Variants in TESC observed in about 807,000 individuals in gnomAD.
TESC encodes the protein tescalcin, also known as calcineurin B homologous protein 3.
Under a neutral mutation model 31.0 loss-of-function variants are expected in TESC, and 19 were observed. The ratio of observed to expected loss-of-function variants is 0.61; its 90% CI spans 0.43 to 0.90. TESC has a LOEUF of 0.90. TESC is among the 40% of genes least tolerant of loss of function. The pLI is 0.00. For missense variants in TESC, 248 were observed against 303.8 expected, an observed-to-expected ratio of 0.82 and a Z score of 1.36; for synonymous variants, 109 against 114.8, an observed-to-expected ratio of 0.95 and a Z score of 0.32.
rs1326842413 is a variant in TESC, at chr12:117,075,909, ATATATG to A, written c.59-575_59-570del. Among the ~76,000 whole-genome samples, 185 of 61,266 alleles carry A rather than the reference ATATATG, an allele frequency of 3.0e-3. 8 individuals are homozygous for A. The highest frequency in any genetic ancestry group is 0.016 in the African/African-American group (158 of 9,918). 40.2% of individuals were successfully genotyped at this position (61,266 alleles called of 152,430 possible). On this transcript the variant is annotated intron_variant, in intron 1 of 7. Coordinates refer to ENST00000335209, the MANE Select transcript of TESC (RefSeq NM_017899.4). ...TATATATATATATATATATATATAT[ATATATG>A]TGTGTGTGTATATATATATATATAT...
intron 4 of TESC, among the ~76,000 whole-genome samples, chr12:117,047,503 C>A (rs1459002463): frequency 6.6e-6 from 1 of 152,130 alleles, no homozygotes; most frequent in South Asian, 2.1e-4. Context: ...GGGCTCTCTG[C>A]AACCTCTGCC....
At chr12:117,092,117 G>A (rs1354234137) in intron 1 of TESC, among the ~76,000 whole-genome samples, 1 of 152,194 alleles carries the variant, frequency 6.6e-6, no homozygotes, top group Non-Finnish European at 1.5e-5. Context: ...CCCTCAAAGG[G>A]CTTTTCGGCA....
chr12:117,043,149 G>C (rs1954508996), intron 6 of TESC, among the ~76,000 whole-genome samples: 1 of 152,124 alleles, frequency 6.6e-6, no homozygotes, highest in South Asian at 2.1e-4. Context: ...CATCTGCCCT[G>C]TGGGTGTGTG....
intron 1 of TESC, among the ~76,000 whole-genome samples, chr12:117,097,874 G>A (rs1171759203): frequency 6.6e-6 from 1 of 151,704 alleles, no homozygotes; most frequent in Non-Finnish European, 1.5e-5. Context: ...TTACTTTGCG[G>A]CTCCAGCTCA....
intron 3 of TESC, among the ~76,000 whole-genome samples, chr12:117,052,430 G>A (rs756207219): frequency 4.6e-5 from 7 of 152,180 alleles, no homozygotes; most frequent in Non-Finnish European, 1.0e-4. Flanking sequence ...AATAGTTACA[G>A]GCTCCCAGCT....
chr12:117,065,620 G>A (rs1406886195), intron 2 of TESC, among the ~76,000 whole-genome samples: 2 of 152,170 alleles, frequency 1.3e-5, no homozygotes, highest in South Asian at 2.1e-4. Flanking sequence ...CGGGCACAGT[G>A]GCTCACACCT....
At chr12:117,095,764 T>G (rs34227391) in intron 1 of TESC, among the ~76,000 whole-genome samples, 4,448 of 152,036 alleles carry the variant, frequency 0.029, 231 homozygotes, top group African/African-American at 0.099. Flanking sequence ...CCTGCAGTCA[T>G]AGCTACTGGG....
chr12:117,097,586 G>C (rs1195003094), intron 1 of TESC, among the ~76,000 whole-genome samples: 2 of 152,220 alleles, frequency 1.3e-5, no homozygotes, highest in Non-Finnish European at 1.5e-5. Flanking sequence ...ACCCAAGCAA[G>C]TAAGAGCTAG....
At chr12:117,049,925 GGAA>G (rs1269578741) in intron 3 of TESC, among the ~76,000 whole-genome samples, 77 of 144,520 alleles carry the variant, frequency 5.3e-4, no homozygotes, top group African/African-American at 1.9e-3. Flanking sequence ...AAAAAAAAAA[GGAA>G]GAAGAGGAAG....
Position 117,049,176 on chromosome 12 carries a change from AG to A in TESC, c.210-19del, listed in dbSNP as rs779877135. Reference sequence around the variant, plus strand: ...GCAGGTTCCTACGGGAGCAACAAGGAGGGTGTTGGAAATAAATGAAGAACTG... The same window carrying A: ...GCAGGTTCCTACGGGAGCAACAAGGAGGTGTTGGAAATAAATGAAGAACTG... On this transcript the variant is annotated intron_variant, in intron 3 of 7. Transcript: ENST00000335209. The A allele has an allele frequency of 3.7e-5, 60 of 1,613,840 alleles. No homozygotes were observed. In the African/African-American group the frequency reaches 7.1e-4, roughly 19 times the overall value.
chr12:117,059,051 C>T (rs1250823310), intron 2 of TESC, among the ~76,000 whole-genome samples: 1 of 152,108 alleles, frequency 6.6e-6, no homozygotes, highest in Non-Finnish European at 1.5e-5. Context: ...GGTGTCAGGC[C>T]CAGGTAGGGA....
chr12:117,058,531 T>C (rs1470655560), intron 2 of TESC, among the ~76,000 whole-genome samples: 1 of 149,818 alleles, frequency 6.7e-6, no homozygotes, highest in East Asian at 2.0e-4. Context: ...AATGGCTAAG[T>C]TGTATTATGT....
At chr12:117,046,126 G>A (rs1421387210) in intron 6 of TESC, among the ~76,000 whole-genome samples, 1 of 152,132 alleles carries the variant, frequency 6.6e-6, no homozygotes, top group Non-Finnish European at 1.5e-5. Context: ...GCTCTTGTCA[G>A]CCCCCAATAG....
At chr12:117,039,381 G>A (rs1017787167) in intron 7 of TESC, among the ~76,000 whole-genome samples, 171 bp from the exon 8 acceptor site, 22 of 152,218 alleles carry the variant, frequency 1.4e-4, no homozygotes, top group Non-Finnish European at 2.4e-4. Context: ...AAGCGAGGAC[G>A]AAAAACTTCC....
intron 3 of TESC, among the ~76,000 whole-genome samples, chr12:117,051,383 C>T (rs1954645707): frequency 6.6e-6 from 1 of 152,126 alleles, no homozygotes; most frequent in Admixed American, 6.6e-5. Flanking sequence ...TTAGGGAAGG[C>T]GGATCAAGAA....
chr12:117,086,955 C>A (rs1470653496), intron 1 of TESC, among the ~76,000 whole-genome samples: 1 of 152,164 alleles, frequency 6.6e-6, no homozygotes, highest in African/African-American at 2.4e-5. Context: ...ATGCCTCCTG[C>A]GGCTACAGCC....
At chr12:117,054,330 T>A (rs1954690914) in intron 3 of TESC, among the ~76,000 whole-genome samples, 1 of 151,384 alleles carries the variant, frequency 6.6e-6, no homozygotes, top group African/African-American at 2.4e-5. Flanking sequence ...CACCCTCACC[T>A]TAAAGTCCGT....
chr12:117,046,029 T>G (rs562273124), intron 6 of TESC, among the ~76,000 whole-genome samples: 1 of 152,310 alleles, frequency 6.6e-6, no homozygotes, highest in South Asian at 2.1e-4. Context: ...TAATAAATGA[T>G]GAACATGGAA....
At chr12:117,091,483 C>G (rs1484841079) in intron 1 of TESC, among the ~76,000 whole-genome samples, 1 of 152,218 alleles carries the variant, frequency 6.6e-6, no homozygotes, top group African/African-American at 2.4e-5. Flanking sequence ...AAAAAAATAT[C>G]CTGCCAGGAT....
Sources: allele counts gnomAD v4.1 joint callset (sites outside exome capture counted in the v4.1 genomes callset), GRCh38; gene constraint gnomAD v4.1.1; transcripts MANE v1.5; gene names NCBI Gene and HGNC (gene_info 2026-07-23, HGNC 2026-07-21).